DOCK9: variants seen among roughly 807,000 people sequenced by gnomAD.
DOCK9 encodes the protein dedicator of cytokinesis protein 9.
A neutral mutation model predicts 263.3 loss-of-function variants in DOCK9; 89 were observed. The ratio of observed to expected loss-of-function variants is 0.34; its 90% CI spans 0.28 to 0.40. DOCK9 has a LOEUF of 0.40. DOCK9 is among the 10% of genes least tolerant of loss of function. DOCK9 has a pLI of 1.00. For synonymous variants in DOCK9, 976 were observed against 973.1 expected, an observed-to-expected ratio of 1.00 and a Z score of -0.06; for missense variants, 2,140 against 2,603.4, an observed-to-expected ratio of 0.82 and a Z score of 3.87.
chr13:98,891,228 T>C (rs1029337453), intron 15 of DOCK9, among the ~76,000 whole-genome samples: 2 of 152,160 alleles, frequency 1.3e-5, no homozygotes, highest in African/African-American at 2.4e-5. Context: ...CAGCTTCACA[T>C]AGAACTCTTC....
chr13:98,956,774 G>A (rs2058104089), intron 1 of DOCK9, among the ~76,000 whole-genome samples: 1 of 151,850 alleles, frequency 6.6e-6, no homozygotes, highest in Non-Finnish European at 1.5e-5. Context: ...AAAAAAGTAA[G>A]TCCATTATAT....
chr13:98,797,457 A>G lies in DOCK9; in HGVS notation c.5949T>C (p.Ala1983=). Residue 1983 remains alanine (A), a synonymous_variant, in exon 51 of 53, where the codon GCT becomes GCC. Coordinates refer to ENST00000682017, the MANE Select transcript of DOCK9 (RefSeq NM_001366683.2). The part of the protein sequence containing the change: ...VNAGPLAYAR[A]FLDDTNTKRY... ...GCTTTGTGTTTGTATCATCTAAGAA[A>G]GCTCGCGCATATGCTAGTGGGCCAG... The G allele has an allele frequency of 6.2e-7, 1 of 1,613,106 alleles. No homozygotes were observed. The highest frequency in any genetic ancestry group is 1.1e-5 in the South Asian group (1 of 90,744).
intron 1 of DOCK9, among the ~76,000 whole-genome samples, chr13:99,023,857 T>G (rs1886412764): frequency 6.6e-6 from 1 of 152,150 alleles, no homozygotes; most frequent in African/African-American, 2.4e-5. Flanking sequence ...GCATTGCACT[T>G]CCTAGAAAAA....
At chr13:98,889,941 TA>T (rs1168518630) in intron 15 of DOCK9, among the ~76,000 whole-genome samples, 1 of 152,222 alleles carries the variant, frequency 6.6e-6, no homozygotes, top group Non-Finnish European at 1.5e-5. Flanking sequence ...CATACCATCC[TA>T]GTGACTCACA....
chr13:99,046,026 G>A (rs968163128), intron 1 of DOCK9, among the ~76,000 whole-genome samples: 4 of 151,778 alleles, frequency 2.6e-5, no homozygotes, highest in African/African-American at 7.3e-5. Context: ...GCGTGAACCC[G>A]GGAGGCGGAG....
At chr13:98,806,865 C>A (rs111242702) in intron 48 of DOCK9, among the ~76,000 whole-genome samples, 47 of 150,836 alleles carry the variant, frequency 3.1e-4, no homozygotes, top group Non-Finnish European at 5.5e-4. Context: ...GCTGAGATAG[C>A]GCCACTGCAC....
chr13:98,854,436 A>G (rs1325846205), intron 34 of DOCK9: 12 of 152,046 alleles, frequency 7.9e-5, no homozygotes, highest in African/African-American at 2.7e-4. Flanking sequence ...ATATACATAT[A>G]TATATCAGGC....
At position 98,848,658 on chromosome 13, in the gene DOCK9, A is replaced by G. The variant is rs376239195; in HGVS notation, c.4014-19T>C. 14 of 1,608,062 alleles carry G rather than the reference A, an allele frequency of 8.7e-6. No individual in the cohort carries two copies. The highest frequency in any genetic ancestry group is 1.0e-5 in the Non-Finnish European group (12 of 1,177,242). On this transcript the variant is annotated intron_variant, in intron 36 of 52. Coordinates refer to ENST00000682017, the MANE Select transcript of DOCK9 (RefSeq NM_001366683.2). ...GCAGACTCTGCAGGCAAGATGAAAAATTATTAGGGAAATGCAAAGATAAAA... is the reference window on the plus strand; with the variant it reads ...GCAGACTCTGCAGGCAAGATGAAAAGTTATTAGGGAAATGCAAAGATAAAA...
chr13:98,904,488 T>C (rs1462007703), intron 10 of DOCK9, 144 bp downstream of exon 10: 1 of 619,496 alleles, frequency 1.6e-6, no homozygotes, highest in Non-Finnish European at 2.8e-6. Flanking sequence ...TACATTTTTA[T>C]TTTTCCTCTT....
chr13:99,000,426 C>G (rs1882057536), intron 1 of DOCK9, among the ~76,000 whole-genome samples: 1 of 152,172 alleles, frequency 6.6e-6, no homozygotes, highest in South Asian at 2.1e-4. Flanking sequence ...TCCCAAACTT[C>G]TCCTCCTGAG....
At position 98,902,356 on chromosome 13, in the gene DOCK9, C is replaced by T. The variant is rs1196275057; in HGVS notation, c.1312G>A (p.Gly438Ser). The T allele has an allele frequency of 6.8e-6, 11 of 1,614,040 alleles. No individual in the cohort carries two copies. The highest frequency in any genetic ancestry group is 9.3e-6 in the Non-Finnish European group (11 of 1,179,904). Residue 438 changes from glycine to serine, a missense_variant, in exon 12 of 53, where the codon GGC becomes AGC. Transcript: ENST00000682017. ...LATTSPALMN[G>S]SGQSPSVLKG... ...AGGACAGATGGGCTCTGCCCACTGC[C>T]ATTCATCAGCGCCGGGGACGTGGTG...
At position 98,860,397 on chromosome 13, in the gene DOCK9, A is replaced by C. The variant is rs1335622092; in HGVS notation, c.3697+8T>G. ...TGGAGAGAAGCCCACAAGAGCATGG[A>C]GCGTTACCAATGCCGGAGATGGCGC... On this transcript the variant is annotated splice_region_variant and intron_variant, in intron 33 of 52. Transcript: ENST00000682017. 1.3e-6 allele frequency: 2 copies of C among 1,574,028 alleles called. No homozygotes were observed. The highest frequency in any genetic ancestry group is 3.7e-5 in the Admixed American group (2 of 54,544).
chr13:98,978,252 G>A (rs1039041087), upstream of DOCK9, among the ~76,000 whole-genome samples: 12 of 152,166 alleles, frequency 7.9e-5, no homozygotes, highest in African/African-American at 2.9e-4. Context: ...CAAATCAATC[G>A]GAATCAAAAT....
At chr13:98,949,912 C>A in intron 2 of DOCK9, 2 of 474,032 alleles carry the variant, frequency 4.2e-6, no homozygotes. Context: ...CAAATGACAC[C>A]AAACTCCCCC....
At chr13:98,838,402 G>GTT (rs1321308902) in intron 38 of DOCK9, among the ~76,000 whole-genome samples, 1 of 152,234 alleles carries the variant, frequency 6.6e-6, no homozygotes, top group Non-Finnish European at 1.5e-5. Context: ...CAGGAGCTAT[G>GTT]TTATCAGCAA....
intron 49 of DOCK9, among the ~76,000 whole-genome samples, chr13:98,803,650 G>A (rs1239795620): frequency 6.6e-6 from 1 of 152,198 alleles, no homozygotes; most frequent in East Asian, 1.9e-4. Context: ...AACACTGTAA[G>A]CTGGTGATTC....
intron 1 of DOCK9, among the ~76,000 whole-genome samples, chr13:99,033,101 G>A (rs1298753013): frequency 6.6e-6 from 1 of 152,138 alleles, no homozygotes; most frequent in Non-Finnish European, 1.5e-5. Context: ...CTGAGTACAG[G>A]TAGCAGATTT....
At chr13:99,030,060 G>A (rs1887171378) in intron 1 of DOCK9, among the ~76,000 whole-genome samples, 1 of 152,228 alleles carries the variant, frequency 6.6e-6, no homozygotes. Flanking sequence ...TATATAAAAT[G>A]TTCAGAAAAG....
At chr13:98,900,680 G>A (rs1056929702) in intron 13 of DOCK9, among the ~76,000 whole-genome samples, 15 of 152,210 alleles carry the variant, frequency 9.9e-5, no homozygotes, top group African/African-American at 3.6e-4. Context: ...GGAAGGCAGA[G>A]GCAAGAAGTA....
Sources: allele counts gnomAD v4.1 joint callset (sites outside exome capture counted in the v4.1 genomes callset), GRCh38; gene constraint gnomAD v4.1.1; transcripts MANE v1.5; gene names NCBI Gene and HGNC (gene_info 2026-07-23, HGNC 2026-07-21).